The following RYR3 variants were observed in gnomAD, a reference collection of about 807,000 sequenced individuals.
RYR3 encodes the protein brain ryanodine receptor-calcium release channel.
In RYR3, 207 loss-of-function variants were observed where a neutral mutation model predicts 584.3. The ratio of observed to expected loss-of-function variants is 0.35; its 90% CI spans 0.32 to 0.40. The LOEUF (loss-of-function observed/expected upper bound fraction) is 0.40, where lower values mean the gene tolerates loss of function less well. Among genes scored for constraint, RYR3 ranks in the 10% least tolerant of loss-of-function variants. The pLI, the probability that RYR3 is intolerant of heterozygous loss-of-function variation, is 1.00. For missense variants in RYR3, 5,616 were observed against 6,089.2 expected, an observed-to-expected ratio of 0.92 and a Z score of 2.59; for synonymous variants, 2,416 against 2,248.5, an observed-to-expected ratio of 1.07 and a Z score of -2.11.
intron 3 of RYR3, among the ~76,000 whole-genome samples, chr15:33,517,888 T>C (rs1358805549): frequency 6.6e-6 from 1 of 152,196 alleles, no homozygotes; most frequent in African/African-American, 2.4e-5. Context: ...GATGACAGCA[T>C]GATTTAATAA....
At chr15:33,863,358 C>G (rs1194908530) in intron 102 of RYR3, among the ~76,000 whole-genome samples, 2 of 152,156 alleles carry the variant, frequency 1.3e-5, no homozygotes, top group Non-Finnish European at 2.9e-5. Flanking sequence ...TACTGTGGGC[C>G]AGGACCTGAC....
intron 1 of RYR3, among the ~76,000 whole-genome samples, chr15:33,361,915 GAGAA>G: frequency 6.6e-6 from 1 of 152,264 alleles, no homozygotes; most frequent in East Asian, 1.9e-4. Flanking sequence ...CCATACTTAG[GAGAA>G]AGAGTGATCC....
chr15:33,711,864 C>G (rs1188407821), intron 43 of RYR3, among the ~76,000 whole-genome samples: 1 of 152,198 alleles, frequency 6.6e-6, no homozygotes, highest in Non-Finnish European at 1.5e-5. Flanking sequence ...CTACCCAGTT[C>G]CAAAGCTGCT....
chr15:33,381,956 A>C (rs1455354590), intron 1 of RYR3, among the ~76,000 whole-genome samples: 1 of 152,218 alleles, frequency 6.6e-6, no homozygotes, highest in Non-Finnish European at 1.5e-5. Flanking sequence ...TAGGTATAAC[A>C]GTTATTTCCA....
chr15:33,362,968 A>G (rs1013443792), intron 1 of RYR3, among the ~76,000 whole-genome samples: 2 of 152,104 alleles, frequency 1.3e-5, no homozygotes, highest in African/African-American at 4.8e-5. Context: ...GTACTCTCCT[A>G]TTAGAGAACA....
intron 1 of RYR3, among the ~76,000 whole-genome samples, chr15:33,343,884 A>G (rs930813135): frequency 2.0e-5 from 3 of 152,078 alleles, no homozygotes; most frequent in African/African-American, 4.8e-5. Flanking sequence ...CATTTTTCCT[A>G]TACAGTAGTA....
At chr15:33,768,328 A>G (rs1044849254) in intron 60 of RYR3, among the ~76,000 whole-genome samples, 1 of 152,210 alleles carries the variant, frequency 6.6e-6, no homozygotes, top group African/African-American at 2.4e-5. Flanking sequence ...CCTGAATGTC[A>G]CACAAATGAA....
intron 1 of RYR3, among the ~76,000 whole-genome samples, chr15:33,343,577 G>T (rs1972085326): frequency 6.6e-6 from 1 of 152,152 alleles, no homozygotes; most frequent in Non-Finnish European, 1.5e-5. Flanking sequence ...AGTGATTTAT[G>T]ATCATCCTTG....
chr15:33,379,495 C>T (rs1380181623), intron 1 of RYR3, among the ~76,000 whole-genome samples: 1 of 151,982 alleles, frequency 6.6e-6, no homozygotes, highest in Non-Finnish European at 1.5e-5. Context: ...TGTCCTGCTA[C>T]CCTCGATTTC....
At chr15:33,360,805 T>C (rs1974654273) in intron 1 of RYR3, among the ~76,000 whole-genome samples, 1 of 152,164 alleles carries the variant, frequency 6.6e-6, no homozygotes, top group African/African-American at 2.4e-5. Context: ...TCATTGAAGG[T>C]AAATTATTTT....
chr15:33,618,246 A>G (rs763574277), intron 19 of RYR3, among the ~76,000 whole-genome samples: 1 of 152,206 alleles, frequency 6.6e-6, no homozygotes, highest in Non-Finnish European at 1.5e-5. Flanking sequence ...CTATTTAATC[A>G]TCTTATGTAA....
chr15:33,708,342 C>T (rs898904895), intron 43 of RYR3, among the ~76,000 whole-genome samples: 3 of 152,170 alleles, frequency 2.0e-5, no homozygotes, highest in Non-Finnish European at 2.9e-5. Context: ...TCATCTTGGT[C>T]ACCTTCACAG....
chr15:33,698,799 G>A lies in RYR3; in HGVS notation c.6249+803G>A, dbSNP rs111894643. ...TGAGCACATGTCTGGATGCCTCAGC[G>A]AGCAGATAGACTACAAGTTTCTGAA... On this transcript the variant is annotated intron_variant, in intron 40 of 103. Transcript: ENST00000634891. Among the ~76,000 whole-genome samples the A allele has an allele frequency of 8.6e-3, 1,312 of 152,182 alleles. 16 individuals carry two copies. The highest frequency in any genetic ancestry group is 0.029 in the African/African-American group (1,218 of 41,516).
chr15:33,825,983 C>G (rs1395429905), intron 82 of RYR3, among the ~76,000 whole-genome samples: 1 of 152,122 alleles, frequency 6.6e-6, no homozygotes, highest in Non-Finnish European at 1.5e-5. Context: ...ATCCACCCCA[C>G]CTTAGCCTCC....
intron 1 of RYR3, among the ~76,000 whole-genome samples, chr15:33,352,415 T>C (rs904972598): frequency 2.6e-5 from 4 of 152,166 alleles, no homozygotes; most frequent in Non-Finnish European, 4.4e-5. Context: ...ATTATTTTGA[T>C]ACAGTCAGTG....
intron 1 of RYR3, among the ~76,000 whole-genome samples, chr15:33,338,901 A>G (rs1423456905): frequency 6.6e-6 from 1 of 152,192 alleles, no homozygotes; most frequent in African/African-American, 2.4e-5. Flanking sequence ...AAACTAAACA[A>G]TATGTTATTT....
chr15:33,848,452 G>A (rs1426421061), intron 94 of RYR3, 31 bp downstream of exon 94: 6 of 1,593,156 alleles, frequency 3.8e-6, no homozygotes, highest in Admixed American at 3.7e-5. Context: ...ACCTAAAAAG[G>A]AGATGGAGTC....
chr15:33,416,302 C>G (rs1596040376), intron 1 of RYR3, among the ~76,000 whole-genome samples: 1 of 152,170 alleles, frequency 6.6e-6, no homozygotes, highest in East Asian at 1.9e-4. Context: ...AGGGGCTGAG[C>G]TAATTTGCAT....
chr15:33,470,543 T>C (rs2048847744), intron 1 of RYR3, among the ~76,000 whole-genome samples: 1 of 152,224 alleles, frequency 6.6e-6, no homozygotes, highest in Admixed American at 6.5e-5. Flanking sequence ...TGGAAGTCTT[T>C]ATAAAATAGA....
Sources: gnomAD v4.1 joint callset for allele counts (sites outside exome capture counted in the v4.1 genomes callset) on GRCh38, gnomAD v4.1.1 for gene constraint, MANE v1.5 for transcripts, NCBI Gene and HGNC (gene_info 2026-07-23, HGNC 2026-07-21) for gene names.